KIAA0930: variants seen among roughly 807,000 people sequenced by gnomAD.
KIAA0930 encodes KIAA0930.
In KIAA0930, 24 loss-of-function variants were observed where a neutral mutation model predicts 43.9. That is an observed-to-expected ratio of 0.55 (90% confidence interval 0.40 to 0.77). The LOEUF (loss-of-function observed/expected upper bound fraction) is 0.77, where lower values mean the gene tolerates loss of function less well. Among genes scored for constraint, KIAA0930 ranks in the 30% least tolerant of loss-of-function variants. KIAA0930 has a pLI of 0.00. For missense variants in KIAA0930, 461 were observed against 574.2 expected, an observed-to-expected ratio of 0.80 and a Z score of 2.02; for synonymous variants, 259 against 216.4, an observed-to-expected ratio of 1.20 and a Z score of -1.73.
chr22:45,232,594 C>T (rs2083860804), intron 1 of KIAA0930, among the ~76,000 whole-genome samples: 1 of 152,216 alleles, frequency 6.6e-6, no homozygotes, highest in Non-Finnish European at 1.5e-5. Flanking sequence ...CTGGGACTCT[C>T]TCCATCCCAG....
At chr22:45,229,576 T>C (rs75542378) in intron 1 of KIAA0930, among the ~76,000 whole-genome samples, 3,436 of 152,220 alleles carry the variant, frequency 0.023, 114 homozygotes, top group African/African-American at 0.078. Flanking sequence ...TAGCAGTGGC[T>C]GATTCCACCA....
chr22:45,211,135 A>G (rs574408734), intron 2 of KIAA0930, among the ~76,000 whole-genome samples: 4 of 152,338 alleles, frequency 2.6e-5, no homozygotes, highest in Admixed American at 6.5e-5. Flanking sequence ...CCAGGCTCCA[A>G]GTAATCCCTG....
chr22:45,232,463 G>A (rs1253998238), intron 1 of KIAA0930, among the ~76,000 whole-genome samples: 1 of 152,234 alleles, frequency 6.6e-6, no homozygotes, highest in Non-Finnish European at 1.5e-5. Context: ...CACGGGGCAA[G>A]AGGCAGCACT....
chr22:45,218,330 T>C (rs1237177924), intron 1 of KIAA0930, among the ~76,000 whole-genome samples: 1 of 142,160 alleles, frequency 7.0e-6, no homozygotes, highest in Non-Finnish European at 1.5e-5. Flanking sequence ...GCTAATTTTT[T>C]TGATTTTTTT....
intron 1 of KIAA0930, among the ~76,000 whole-genome samples, chr22:45,215,467 C>T (rs1284247607): frequency 2.0e-5 from 3 of 152,182 alleles, no homozygotes; most frequent in Admixed American, 6.5e-5. Flanking sequence ...TGCACAAAAA[C>T]ATTTCGTGTG....
chr22:45,217,377 A>C (rs961039184), intron 1 of KIAA0930, among the ~76,000 whole-genome samples: 4 of 150,242 alleles, frequency 2.7e-5, no homozygotes, highest in Non-Finnish European at 4.4e-5. Flanking sequence ...AAAAAAAAAA[A>C]AAAAAAAAAA....
At chr22:45,224,155 G>A (rs973400770) in intron 1 of KIAA0930, among the ~76,000 whole-genome samples, 1 of 152,102 alleles carries the variant, frequency 6.6e-6, no homozygotes, top group African/African-American at 2.4e-5. Flanking sequence ...CATGGTAGAG[G>A]AAAAAAGCCA....
At chr22:45,224,881 T>G (rs971412089) in intron 1 of KIAA0930, among the ~76,000 whole-genome samples, 3 of 152,106 alleles carry the variant, frequency 2.0e-5, no homozygotes, top group East Asian at 3.9e-4. Flanking sequence ...AGGGGTTCTG[T>G]GTTATCCCCA....
intron 1 of KIAA0930, among the ~76,000 whole-genome samples, chr22:45,237,147 A>G (rs1214136902): frequency 6.6e-6 from 1 of 152,272 alleles, no homozygotes; most frequent in Non-Finnish European, 1.5e-5. Context: ...AAATGTCTGC[A>G]TCGCACACCT....
intron 1 of KIAA0930, chr22:45,212,579 A>T (rs2083704781): frequency 7.2e-7 from 1 of 1,381,730 alleles, no homozygotes; most frequent in South Asian, 1.8e-5. Context: ...ACTTAAAGGG[A>T]CAGCCGCCCT....
chr22:45,199,810 C>T (rs113094610), intron 8 of KIAA0930, 63 bp downstream of exon 8: 6 of 1,345,722 alleles, frequency 4.5e-6, no homozygotes, highest in South Asian at 1.6e-5. Context: ...GAATGAATGA[C>T]TGGTCTGGAT....
intron 1 of KIAA0930, among the ~76,000 whole-genome samples, chr22:45,228,779 CCCA>C (rs1473768597): frequency 1.2e-5 from 1 of 84,510 alleles, no homozygotes; most frequent in Non-Finnish European, 2.3e-5. Context: ...CCCCATCCCC[CCCA>C]ACCACCAAAC....
At chr22:45,210,502 G>T (rs908345475) in intron 2 of KIAA0930, among the ~76,000 whole-genome samples, 2 of 152,152 alleles carry the variant, frequency 1.3e-5, no homozygotes, top group African/African-American at 4.8e-5. Flanking sequence ...TGTCCAGAAT[G>T]GGAGGGCCCT....
chr22:45,223,167 T>C (rs1350543189), intron 1 of KIAA0930, among the ~76,000 whole-genome samples: 1 of 152,174 alleles, frequency 6.6e-6, no homozygotes, highest in Non-Finnish European at 1.5e-5. Flanking sequence ...AGTAATTAAA[T>C]AAACTAACTT....
chr22:45,213,521 C>T (rs577611837), intron 1 of KIAA0930: 15 of 1,165,428 alleles, frequency 1.3e-5, no homozygotes, highest in Admixed American at 7.9e-5. Context: ...TCTGCAGAGT[C>T]GCTTTGAAAT....
rs1371826840 is a variant in KIAA0930 at position 45,194,530 on chromosome 22, T to C, written c.*2646A>G. On this transcript the variant is annotated 3_prime_UTR_variant, in exon 10 of 10. Coordinates refer to ENST00000336156, the MANE Select transcript of KIAA0930 (RefSeq NM_001009880.2). ...CGCATTACACAAAAGGCAGGTGTGTTCCCAGAAAAATTAAAGATGGTCTTA... is the reference window on the plus strand; with the variant it reads ...CGCATTACACAAAAGGCAGGTGTGTCCCCAGAAAAATTAAAGATGGTCTTA... 1 of 152,192 alleles carries C rather than the reference T, an allele frequency of 6.6e-6. No homozygotes were observed. The highest frequency in any genetic ancestry group is 1.9e-4 in the East Asian group (1 of 5,194). 9.4% of individuals were successfully genotyped at this position (152,192 alleles called of 1,614,324 possible). A position where few individuals can be genotyped will look rare whatever the true frequency, so the allele number is the denominator to read the frequency against.
intron 2 of KIAA0930, among the ~76,000 whole-genome samples, chr22:45,209,757 C>T (rs2147746490): frequency 6.6e-6 from 1 of 152,310 alleles, no homozygotes; most frequent in African/African-American, 2.4e-5. Context: ...GGGGCATCTG[C>T]ACATGGCTCA....
chr22:45,235,590 C>A (rs536847182), intron 1 of KIAA0930, among the ~76,000 whole-genome samples: 1 of 152,180 alleles, frequency 6.6e-6, no homozygotes, highest in African/African-American at 2.4e-5. Context: ...CAAAGCAGCC[C>A]GAGCGTCGGG....
chr22:45,195,140 A>AT lies in KIAA0930; in HGVS notation c.*2035dup, dbSNP rs1421940400. On this transcript the variant is annotated 3_prime_UTR_variant, in exon 10 of 10. Transcript: ENST00000336156. ...ATGGTCACCCTGTGAGGGGGGCAGC[A>AT]TTTTTGCCATCTTACAGACGGGGAG... The AT allele has an allele frequency of 6.6e-6, 1 of 152,196 alleles. No individual in the cohort carries two copies. Among genetic ancestry groups the AT allele is most frequent in the Non-Finnish European group, 1.5e-5 (1 of 68,064 alleles). The allele number at this position is 152,196 out of a possible 1,614,324, so 9.4% of individuals were successfully genotyped here.
Sources: gnomAD v4.1 joint callset for allele counts (sites outside exome capture counted in the v4.1 genomes callset) on GRCh38, gnomAD v4.1.1 for gene constraint, MANE v1.5 for transcripts, NCBI Gene and HGNC (gene_info 2026-07-23, HGNC 2026-07-21) for gene names.